The following HUNK variants were observed in gnomAD, a reference collection of about 807,000 sequenced individuals.
HUNK encodes the protein hormonally up-regulated neu tumor-associated kinase.
Under a neutral mutation model 61.0 loss-of-function variants are expected in HUNK, and 21 were observed. That is an observed-to-expected ratio of 0.34 (90% CI 0.24 to 0.50). The LOEUF (loss-of-function observed/expected upper bound fraction) is 0.50, where lower values mean the gene tolerates loss of function less well. Ranked by LOEUF, HUNK falls within the 20% of genes least tolerant of loss-of-function variation. HUNK has a pLI of 0.98. For synonymous variants in HUNK, 371 were observed against 386.1 expected, an observed-to-expected ratio of 0.96 and a Z score of 0.46; for missense variants, 772 against 945.7, an observed-to-expected ratio of 0.82 and a Z score of 2.41.
chr21:31,990,027 C>A (rs1449700921), intron 8 of HUNK, 102 bp from the exon 9 acceptor site: 3 of 1,075,170 alleles, frequency 2.8e-6, no homozygotes, highest in Non-Finnish European at 4.3e-6. Context: ...AAAACCGAAA[C>A]GAATAATTCT....
At chr21:31,966,886 A>T (rs569043040) in intron 5 of HUNK, among the ~76,000 whole-genome samples, 1 of 152,206 alleles carries the variant, frequency 6.6e-6, no homozygotes, top group Non-Finnish European at 1.5e-5. Context: ...CATATTGCAA[A>T]AACATTACCG....
intron 1 of HUNK, among the ~76,000 whole-genome samples, chr21:31,885,935 G>T (rs747891422): frequency 3.6e-4 from 54 of 152,004 alleles, no homozygotes; most frequent in Non-Finnish European, 7.4e-4. Context: ...ATTTCACCAC[G>T]TTGATCAAGC....
chr21:31,979,369 G>A (rs533019451), intron 7 of HUNK, among the ~76,000 whole-genome samples: 43 of 151,668 alleles, frequency 2.8e-4, no homozygotes, highest in African/African-American at 9.9e-4. Flanking sequence ...TGCCTGCCTC[G>A]GCCTCCCAAA....
chr21:31,913,327 G>C (rs1037689759), intron 1 of HUNK, among the ~76,000 whole-genome samples: 1 of 152,062 alleles, frequency 6.6e-6, no homozygotes, highest in Non-Finnish European at 1.5e-5. Flanking sequence ...GGCTGGGTGG[G>C]AGTGGGAGAC....
At chr21:31,892,813 G>T (rs764043463) in intron 1 of HUNK, among the ~76,000 whole-genome samples, 25 of 152,190 alleles carry the variant, frequency 1.6e-4, no homozygotes, top group African/African-American at 2.2e-4. Context: ...CCTGAGGACC[G>T]CGATGCCTCT....
intron 7 of HUNK, among the ~76,000 whole-genome samples, chr21:31,975,593 G>C (rs2053043094): frequency 6.6e-6 from 1 of 152,062 alleles, no homozygotes. Context: ...CTTCACCCTG[G>C]GCCTGTTGCA....
chr21:31,970,645 T>G (rs114907966), intron 6 of HUNK, among the ~76,000 whole-genome samples: 128 of 152,286 alleles, frequency 8.4e-4, no homozygotes, highest in African/African-American at 2.9e-3. Context: ...ACCGCCTAAA[T>G]GAGCATAATC....
chr21:31,939,518 C>T (rs1294339730), intron 2 of HUNK, among the ~76,000 whole-genome samples: 1 of 146,274 alleles, frequency 6.8e-6, no homozygotes. Flanking sequence ...AAGCGATTCT[C>T]CTGCCTCAGC....
chr21:31,919,904 A>G (rs1174193688), intron 1 of HUNK, among the ~76,000 whole-genome samples: 2 of 152,198 alleles, frequency 1.3e-5, no homozygotes, highest in Non-Finnish European at 2.9e-5. Context: ...CATCAGATAG[A>G]TTCCTTATAT....
chr21:31,873,464 C>G lies in HUNK; in HGVS notation c.-211C>G, dbSNP rs1335148605. 5.0e-6 allele frequency: 1 copy of G among 199,644 alleles called. No individual in the cohort carries two copies. The highest frequency in any genetic ancestry group is 8.9e-6 in the Non-Finnish European group (1 of 111,838). 12.4% of individuals were successfully genotyped at this position (199,644 alleles called of 1,614,324 possible). The stretch of plus-strand genomic sequence containing the variant: ...ACTTTTGGGGGCGGGGTCCCCGGTC[C>G]CGCGTCCCCTGGGCAGCCGCTATTG... On this transcript the variant is annotated 5_prime_UTR_variant, in exon 1 of 11. Transcript: ENST00000270112. The surrounding 1 kb of genome is among the most constrained non-coding windows in gnomAD (Gnocchi z 6.1).
chr21:31,969,767 A>C (rs1255949346), intron 6 of HUNK, among the ~76,000 whole-genome samples: 1 of 151,640 alleles, frequency 6.6e-6, no homozygotes, highest in Non-Finnish European at 1.5e-5. Flanking sequence ...GGGTTTTGCC[A>C]TGTTGCCCAG....
chr21:31,955,005 T>C (rs1021728408), intron 4 of HUNK, among the ~76,000 whole-genome samples: 1 of 152,052 alleles, frequency 6.6e-6, no homozygotes, highest in African/African-American at 2.4e-5. Context: ...CAGGCTGATC[T>C]CGAACTCCTG....
chr21:31,998,245 A>G (rs1356607201), intron 10 of HUNK, among the ~76,000 whole-genome samples: 1 of 152,234 alleles, frequency 6.6e-6, no homozygotes, highest in Non-Finnish European at 1.5e-5. Context: ...AACCAAAAGC[A>G]GGGACGATGT....
chr21:31,943,187 G>T (rs1031519003), intron 3 of HUNK, among the ~76,000 whole-genome samples: 1 of 151,948 alleles, frequency 6.6e-6, no homozygotes, highest in Non-Finnish European at 1.5e-5. Context: ...CTTAAGCCAT[G>T]TTTCAAATTA....
intron 1 of HUNK, among the ~76,000 whole-genome samples, chr21:31,886,315 G>C (rs1223640566): frequency 6.6e-6 from 1 of 151,852 alleles, no homozygotes; most frequent in Non-Finnish European, 1.5e-5. Flanking sequence ...CCAGCTACTC[G>C]GGAAGCTGAG....
At chr21:31,985,951 T>C (rs2053129780) in intron 8 of HUNK, among the ~76,000 whole-genome samples, 2 of 152,000 alleles carry the variant, frequency 1.3e-5, no homozygotes, top group Non-Finnish European at 2.9e-5. Context: ...GCCCCCTTCC[T>C]CAAGACAGGC....
At chr21:31,963,980 C>G (rs775921535) in intron 5 of HUNK, among the ~76,000 whole-genome samples, 5 of 152,194 alleles carry the variant, frequency 3.3e-5, no homozygotes, top group Non-Finnish European at 7.3e-5. Flanking sequence ...ACTTAAGCTT[C>G]GAGGGCCTTT....
At chr21:31,913,093 C>T (rs912444877) in intron 1 of HUNK, among the ~76,000 whole-genome samples, 8 of 152,176 alleles carry the variant, frequency 5.3e-5, no homozygotes, top group East Asian at 1.9e-4. Context: ...GAGCCCAGCA[C>T]TGTCCTAGGG....
chr21:31,987,400 A>C (rs1314251176), intron 8 of HUNK, among the ~76,000 whole-genome samples: 2 of 152,170 alleles, frequency 1.3e-5, no homozygotes, highest in African/African-American at 4.8e-5. Flanking sequence ...AGGTGCATGG[A>C]GAGCCCAATG....
Sources: gnomAD v4.1 joint callset for allele counts (sites outside exome capture counted in the v4.1 genomes callset) on GRCh38, gnomAD v4.1.1 for gene constraint, Gnocchi (gnomAD v3.1) non-coding constraint, MANE v1.5 for transcripts, NCBI Gene and HGNC (gene_info 2026-07-23, HGNC 2026-07-21) for gene names.